The following DPP10 variants were observed in gnomAD, a reference collection of about 807,000 sequenced individuals.
DPP10 encodes the protein inactive dipeptidyl peptidase 10.
In DPP10, 33 loss-of-function variants were observed where a neutral mutation model predicts 120.9. That is an observed-to-expected ratio of 0.27 (90% CI 0.21 to 0.37). The LOEUF (loss-of-function observed/expected upper bound fraction) is 0.37. Ranked by LOEUF, DPP10 falls within the 10% of genes least tolerant of loss-of-function variation. The pLI is 1.00. For synonymous variants in DPP10, 337 were observed against 326.1 expected, an observed-to-expected ratio of 1.03 and a Z score of -0.36; for missense variants, 816 against 942.8, an observed-to-expected ratio of 0.87 and a Z score of 1.76.
chr2:114,756,069 A>G (rs1303923129), intron 1 of DPP10, among the ~76,000 whole-genome samples: 1 of 152,222 alleles, frequency 6.6e-6, no homozygotes, highest in Non-Finnish European at 1.5e-5. Flanking sequence ...TAGAAATATG[A>G]AAATGTTAAA....
intron 1 of DPP10, among the ~76,000 whole-genome samples, chr2:115,203,064 ACAGT>A (rs1409025211): frequency 6.6e-6 from 1 of 152,202 alleles, no homozygotes; most frequent in Admixed American, 6.5e-5. Context: ...AGTTTAGAAA[ACAGT>A]CAGCTCTCTA....
intron 5 of DPP10, among the ~76,000 whole-genome samples, chr2:115,551,164 C>T (rs2079848281): frequency 6.6e-6 from 1 of 152,100 alleles, no homozygotes; most frequent in African/African-American, 2.4e-5. Flanking sequence ...TTCTTGCAGA[C>T]TTCACTTGCT....
intron 1 of DPP10, among the ~76,000 whole-genome samples, chr2:114,829,822 T>G (rs1251090438): frequency 2.6e-5 from 4 of 152,236 alleles, no homozygotes; most frequent in Non-Finnish European, 4.4e-5. Flanking sequence ...CAAACATCTG[T>G]GACAGATCTT....
intron 1 of DPP10, among the ~76,000 whole-genome samples, chr2:115,098,993 A>C (rs921707322): frequency 5.3e-5 from 8 of 152,050 alleles, no homozygotes; most frequent in African/African-American, 1.7e-4. Flanking sequence ...CTCAAGAATC[A>C]CCAGGTTTAG....
At chr2:115,460,152 C>T (rs966747957) in intron 3 of DPP10, among the ~76,000 whole-genome samples, 1 of 151,864 alleles carries the variant, frequency 6.6e-6, no homozygotes, top group Non-Finnish European at 1.5e-5. Context: ...CAATTTTTAG[C>T]TTTATAGGTA....
At chr2:115,616,650 C>T (rs1409603934) in intron 5 of DPP10, among the ~76,000 whole-genome samples, 1 of 152,068 alleles carries the variant, frequency 6.6e-6, no homozygotes, top group East Asian at 1.9e-4. Flanking sequence ...GCCATAACCT[C>T]TCTCTGGATA....
chr2:115,836,626 TG>T, intron 23 of DPP10, 47 bp from the exon 24 acceptor site: 1 of 1,609,028 alleles, frequency 6.2e-7, no homozygotes, highest in Non-Finnish European at 8.5e-7. Context: ...ATTAGTTAAA[TG>T]GCTTATTTAG....
At chr2:114,725,881 C>G (rs754181845) in intron 1 of DPP10, among the ~76,000 whole-genome samples, 1 of 152,042 alleles carries the variant, frequency 6.6e-6, no homozygotes, top group Non-Finnish European at 1.5e-5. Context: ...AATGACAAAC[C>G]AAAACATTTT....
intron 1 of DPP10, among the ~76,000 whole-genome samples, chr2:114,754,587 A>T (rs1290439422): frequency 2.6e-5 from 4 of 152,136 alleles, no homozygotes; most frequent in African/African-American, 9.7e-5. Context: ...ATAGTAGCAA[A>T]GCTCTACCTT....
At chr2:115,582,585 A>G (rs2082062187) in intron 5 of DPP10, among the ~76,000 whole-genome samples, 1 of 152,136 alleles carries the variant, frequency 6.6e-6, no homozygotes, top group South Asian at 2.1e-4. Context: ...ATGCCTAGAT[A>G]CCTACTCTAA....
chr2:115,219,505 G>T (rs76784045), intron 1 of DPP10, among the ~76,000 whole-genome samples: 1 of 152,004 alleles, frequency 6.6e-6, no homozygotes, highest in Non-Finnish European at 1.5e-5. Flanking sequence ...TTCTTTGTCC[G>T]TGGTGCTGAA....
chr2:115,727,247 T>C (rs1436730375), intron 7 of DPP10, among the ~76,000 whole-genome samples: 2 of 148,670 alleles, frequency 1.3e-5, no homozygotes, highest in Non-Finnish European at 3.0e-5. Context: ...TACAAAAGAG[T>C]TGCCAAGACT....
intron 1 of DPP10, among the ~76,000 whole-genome samples, chr2:115,168,689 A>T (rs898483597): frequency 6.6e-6 from 1 of 152,106 alleles, no homozygotes; most frequent in African/African-American, 2.4e-5. Context: ...CTACATATTA[A>T]CTCAAGGAAT....
At chr2:115,109,667 G>A (rs1019800557) in intron 1 of DPP10, among the ~76,000 whole-genome samples, 1 of 152,198 alleles carries the variant, frequency 6.6e-6, no homozygotes, top group Admixed American at 6.6e-5. Context: ...CACAGCTCAA[G>A]GAAATATTAT....
At chr2:115,387,109 T>C (rs779057609) in intron 3 of DPP10, among the ~76,000 whole-genome samples, 1 of 152,078 alleles carries the variant, frequency 6.6e-6, no homozygotes, top group Non-Finnish European at 1.5e-5. Context: ...GGGTCTGTGG[T>C]GCTTATGAAC....
intron 1 of DPP10, among the ~76,000 whole-genome samples, chr2:114,578,258 A>G (rs1339239189): frequency 6.6e-6 from 1 of 152,194 alleles, no homozygotes; most frequent in Admixed American, 6.5e-5. Flanking sequence ...ATATTTTATC[A>G]TAACCTCTGA....
At chr2:114,659,157 C>G (rs1697197859) in intron 1 of DPP10, among the ~76,000 whole-genome samples, 1 of 152,194 alleles carries the variant, frequency 6.6e-6, no homozygotes, top group African/African-American at 2.4e-5. Flanking sequence ...AATTAAACTT[C>G]TTTCCTTCAT....
At chr2:115,322,823 A>G (rs923115968) in intron 2 of DPP10, among the ~76,000 whole-genome samples, 4 of 152,292 alleles carry the variant, frequency 2.6e-5, no homozygotes, top group African/African-American at 7.2e-5. Context: ...TAAGTGTGCA[A>G]TCGCATTATG....
chr2:114,709,834 AT>A (rs1022029002), intron 1 of DPP10, among the ~76,000 whole-genome samples: 22 of 152,346 alleles, frequency 1.4e-4, no homozygotes, highest in African/African-American at 4.6e-4. Context: ...TATCTTTAAT[AT>A]AAAATTCTTA....
Sources: allele counts gnomAD v4.1 joint callset (sites outside exome capture counted in the v4.1 genomes callset), GRCh38; gene constraint gnomAD v4.1.1; transcripts MANE v1.5; gene names NCBI Gene and HGNC (gene_info 2026-07-23, HGNC 2026-07-21).